The following FRMD4A variants were observed in gnomAD, a reference collection of about 807,000 sequenced individuals.
The protein encoded by FRMD4A is FERM domain-containing protein 4A.
In FRMD4A, 29 loss-of-function variants were observed where a neutral mutation model predicts 129.1. The ratio of observed to expected loss-of-function variants is 0.22; its 90% CI spans 0.17 to 0.31. The LOEUF (loss-of-function observed/expected upper bound fraction) is 0.31, where lower values mean the gene tolerates loss of function less well. FRMD4A is among the 10% of genes least tolerant of loss of function. The pLI, the probability that FRMD4A is intolerant of heterozygous loss-of-function variation, is 1.00. For synonymous variants in FRMD4A, 634 were observed against 571.6 expected (o/e 1.11, Z -1.56); for missense variants, 1,272 against 1,375.8 (o/e 0.92, Z 1.19).
rs1352974257 is a variant in FRMD4A at position 13,761,778 on chromosome 10, G to C, written c.442-109C>G. The C allele has an allele frequency of 4.2e-6, 3 of 705,944 alleles. No individual in the cohort carries two copies. The African/African-American group carries it at 5.4e-5, about 13-fold the overall frequency. The allele number at this position is 705,944 out of a possible 1,614,324, so 43.7% of individuals were successfully genotyped here. Reference sequence around the variant, plus strand: ...TTCTCTACTGAATGAGATGAGTTCAGCTTCCTGCAGTTATCATCCTATTTG... The same window carrying C: ...TTCTCTACTGAATGAGATGAGTTCACCTTCCTGCAGTTATCATCCTATTTG... On this transcript the variant is annotated intron_variant, in intron 7 of 24. Coordinates refer to ENST00000357447, the MANE Select transcript of FRMD4A (RefSeq NM_018027.5).
At position 13,645,309 on chromosome 10, in the gene FRMD4A, T is replaced by G. The variant is rs2081052243; in HGVS notation, c.*1729A>C. ...CCCCACCCTGGCTCCTGTCCCTGGC[T>G]GTCAATGCCTTTCCAATAGGAAGTC... On this transcript the variant is annotated 3_prime_UTR_variant, in exon 25 of 25. Coordinates refer to ENST00000357447, the MANE Select transcript of FRMD4A (RefSeq NM_018027.5). 6.6e-6 allele frequency: 1 copy of G among 151,976 alleles called. No individual in the cohort carries two copies. Among genetic ancestry groups the G allele is most frequent in the Non-Finnish European group, 1.5e-5 (1 of 68,028 alleles). 9.4% of individuals were successfully genotyped at this position (151,976 alleles called of 1,614,324 possible).
intron 22 of FRMD4A, chr10:13,655,797 T>C (rs1407410305): frequency 6.6e-6 from 1 of 152,256 alleles, no homozygotes; most frequent in Non-Finnish European, 1.5e-5. Context: ...TTATGATGTT[T>C]ACCATTTCTC....
chr10:13,943,710 A>T (rs1465046705), intron 2 of FRMD4A, among the ~76,000 whole-genome samples: 1 of 151,282 alleles, frequency 6.6e-6, no homozygotes, highest in Non-Finnish European at 1.5e-5. Context: ...AAAGAAAGAA[A>T]AGTAGACCCA....
At chr10:14,136,028 T>C (rs1409439890) in intron 2 of FRMD4A, among the ~76,000 whole-genome samples, 1 of 152,202 alleles carries the variant, frequency 6.6e-6, no homozygotes, top group Non-Finnish European at 1.5e-5. Context: ...CTGGCTGCCA[T>C]GTCTAGCCAG....
At chr10:13,813,953 T>C (rs1219844131) in intron 3 of FRMD4A, among the ~76,000 whole-genome samples, 1 of 152,246 alleles carries the variant, frequency 6.6e-6, no homozygotes, top group African/African-American at 2.4e-5. Flanking sequence ...TTCAAAGTAG[T>C]CACTGTATTT....
chr10:13,674,056 C>A (rs2083752428), intron 16 of FRMD4A, among the ~76,000 whole-genome samples: 1 of 152,156 alleles, frequency 6.6e-6, no homozygotes, highest in African/African-American at 2.4e-5. Flanking sequence ...GCATGAGCAG[C>A]TGTGCCCAGC....
At chr10:13,655,733 A>T (rs1399374418) in intron 22 of FRMD4A, 1 of 152,208 alleles carries the variant, frequency 6.6e-6, no homozygotes, top group Non-Finnish European at 1.5e-5. Flanking sequence ...CCTGACTCAG[A>T]GTTCCTCCCA....
At chr10:13,746,177 T>G (rs2091279641) in intron 9 of FRMD4A, among the ~76,000 whole-genome samples, 1 of 151,866 alleles carries the variant, frequency 6.6e-6, no homozygotes, top group Non-Finnish European at 1.5e-5. Flanking sequence ...TGATGTGGTC[T>G]CTCAGAGAGA....
chr10:13,993,373 C>A (rs11258784), intron 2 of FRMD4A, among the ~76,000 whole-genome samples: 51,583 of 152,108 alleles, frequency 0.34, 11,498 homozygotes, highest in Non-Finnish European at 0.49. Context: ...GAATTCCACT[C>A]CATCTAGCAT....
At chr10:13,777,895 T>C (rs1228096046) in intron 6 of FRMD4A, among the ~76,000 whole-genome samples, 1 of 143,230 alleles carries the variant, frequency 7.0e-6, no homozygotes, top group Non-Finnish European at 1.5e-5. Context: ...GCCTCCCGGG[T>C]TCGCTCAAGC....
intron 17 of FRMD4A, among the ~76,000 whole-genome samples, chr10:13,669,613 G>T (rs929342564): frequency 4.6e-5 from 7 of 152,140 alleles, no homozygotes; most frequent in Admixed American, 3.9e-4. Context: ...ACCTTTTAAG[G>T]CCTCTGTTCA....
intron 2 of FRMD4A, among the ~76,000 whole-genome samples, chr10:14,146,229 G>A (rs765726190): frequency 4.6e-5 from 7 of 152,136 alleles, no homozygotes; most frequent in African/African-American, 9.7e-5. Context: ...TCCTGTCTTC[G>A]TCATCATTTC....
At chr10:13,891,122 C>G (rs1286469545) in intron 2 of FRMD4A, among the ~76,000 whole-genome samples, 1 of 152,128 alleles carries the variant, frequency 6.6e-6, no homozygotes, top group Non-Finnish European at 1.5e-5. Flanking sequence ...GTTCTCCTCC[C>G]CTTCCGAGCG....
At position 13,978,736 on chromosome 10, in the gene FRMD4A, A is replaced by T. The variant is rs560621019; in HGVS notation, c.46-119824T>A. 1.3e-4 allele frequency among the ~76,000 whole-genome samples: 20 copies of T among 152,288 alleles called. No individual in the cohort carries two copies. The South Asian group carries it at 1.9e-3, about 14-fold the overall frequency. ...CAAAAAACTCATTTATATAAATGCTAGGAAACTCACTGTGTTCATCTTGGG... is the reference window on the plus strand; with the variant it reads ...CAAAAAACTCATTTATATAAATGCTTGGAAACTCACTGTGTTCATCTTGGG... On this transcript the variant is annotated intron_variant, in intron 2 of 24. Coordinates refer to ENST00000357447, the MANE Select transcript of FRMD4A (RefSeq NM_018027.5).
chr10:13,935,476 G>C (rs1431616326), intron 2 of FRMD4A, among the ~76,000 whole-genome samples: 2 of 104,482 alleles, frequency 1.9e-5, no homozygotes, highest in East Asian at 5.1e-4. Context: ...AAAAAAAAAA[G>C]TTGTTACCAA....
chr10:14,256,348 C>T (rs188285222), intron 2 of FRMD4A, among the ~76,000 whole-genome samples: 1 of 152,146 alleles, frequency 6.6e-6, no homozygotes, highest in South Asian at 2.1e-4. Flanking sequence ...CAAAAAGTGA[C>T]AGTTCTCCCC....
chr10:14,107,119 TG>T (rs1483054722), intron 2 of FRMD4A, among the ~76,000 whole-genome samples: 4 of 152,196 alleles, frequency 2.6e-5, no homozygotes, highest in African/African-American at 9.7e-5. Context: ...AAATATTGCA[TG>T]TTCTCACTTC....
chr10:13,876,283 G>A (rs984296392), intron 2 of FRMD4A, among the ~76,000 whole-genome samples: 1 of 152,186 alleles, frequency 6.6e-6, no homozygotes, highest in Non-Finnish European at 1.5e-5. Flanking sequence ...ATTTACTTGT[G>A]ATGTTTCCTT....
chr10:13,939,458 T>C (rs2095274195), intron 2 of FRMD4A, among the ~76,000 whole-genome samples: 1 of 152,142 alleles, frequency 6.6e-6, no homozygotes, highest in South Asian at 2.1e-4. Flanking sequence ...GCATAATGAG[T>C]GGGATTTATT....
Sources: allele counts gnomAD v4.1 joint callset (sites outside exome capture counted in the v4.1 genomes callset), GRCh38; gene constraint gnomAD v4.1.1; transcripts MANE v1.5; gene names NCBI Gene and HGNC (gene_info 2026-07-23, HGNC 2026-07-21).